Variants in AATK observed in about 807,000 individuals in gnomAD.
The protein encoded by AATK is lemur tail kinase 1.
In AATK, 91 loss-of-function variants were observed where a neutral mutation model predicts 114.3. The observed-to-expected ratio is 0.80, with a 90% CI of 0.67 to 0.95. The LOEUF is 0.95. Ranked by LOEUF, AATK falls within the 40% of genes least tolerant of loss-of-function variation. The probability of loss-of-function intolerance (pLI) is 0.00; values close to 1 mark genes in which losing one functional copy is unlikely to be tolerated. For synonymous variants in AATK, 1,075 were observed against 916.5 expected, an observed-to-expected ratio of 1.17 and a Z score of -3.12; for missense variants, 2,176 against 1,965.2, an observed-to-expected ratio of 1.11 and a Z score of -2.03.
chr17:81,138,543 CGT>C (rs527679114), intron 1 of AATK, among the ~76,000 whole-genome samples: 3,740 of 149,808 alleles, frequency 0.025, 123 homozygotes, highest in African/African-American at 0.077. Context: ...TACACGTTCG[CGT>C]GCACACACGT....
chr17:81,122,796 C>T lies in AATK; in HGVS notation c.1140G>A (p.Leu380=). The T allele has an allele frequency of 6.3e-7, 1 of 1,579,786 alleles. No homozygotes were observed. The highest frequency in any genetic ancestry group is 2.3e-5 in the East Asian group (1 of 43,302). ...RWYEVMQFCW[L]QPEQRPTAEE... ...CGGCTGTGGGCCGCTGCTCGGGCTG[C>T]AGCCAGCAGAACTGCATCACCTCGT... The change falls in exon 11 of 14, where the codon CTG becomes CTA. Residue 380 remains leucine (L), a synonymous_variant. Transcript: ENST00000326724.
At chr17:81,132,826 AG>A (rs1359893769) in intron 2 of AATK, 2 of 230,056 alleles carry the variant, frequency 8.7e-6, no homozygotes, top group South Asian at 8.5e-5. Flanking sequence ...AGGACTTCCC[AG>A]GGGCACACTG....
chr17:81,132,220 A>C (rs2060944328), intron 2 of AATK, among the ~76,000 whole-genome samples: 1 of 152,168 alleles, frequency 6.6e-6, no homozygotes, highest in Admixed American at 6.5e-5. Context: ...CACAACCCCC[A>C]GTGCCCTGGT....
chr17:81,153,270 T>C (rs1234742863), intron 1 of AATK, among the ~76,000 whole-genome samples: 1 of 152,226 alleles, frequency 6.6e-6, no homozygotes. Context: ...CAACATTTAT[T>C]TGAAGATGTG....
chr17:81,139,729 C>T (rs1346034101), intron 1 of AATK, among the ~76,000 whole-genome samples: 2 of 152,238 alleles, frequency 1.3e-5, no homozygotes, highest in African/African-American at 2.4e-5. Context: ...CCCTCCACTG[C>T]GCTGCTGAGG....
chr17:81,125,103 C>T (rs1470455859), intron 7 of AATK, 89 bp from the exon 8 acceptor site: 13 of 862,480 alleles, frequency 1.5e-5, no homozygotes, highest in South Asian at 1.7e-5. Context: ...TGGGGTGTGC[C>T]GGGCGGGGGC....
At position 81,144,368 on chromosome 17, in the gene AATK, C is replaced by T. The variant is rs75751025; in HGVS notation, c.56-9867G>A. ...GCCCTCCCCATCGCTCTGTGCTGGT[C>T]GGGTGTTCACACCTGGGGCAAGGTA... On this transcript the variant is annotated intron_variant, in intron 1 of 13. Coordinates refer to ENST00000326724, the MANE Select transcript of AATK (RefSeq NM_001080395.3). Among the ~76,000 whole-genome samples, 5 of 152,364 alleles carry T rather than the reference C, an allele frequency of 3.3e-5. No individual in the cohort carries two copies. The East Asian group carries it at 9.6e-4, about 29-fold the overall frequency.
chr17:81,147,667 G>A (rs938647556), intron 1 of AATK, among the ~76,000 whole-genome samples: 3 of 151,878 alleles, frequency 2.0e-5, no homozygotes, highest in African/African-American at 7.3e-5. Context: ...GAGGTCGGAG[G>A]ATCGCTTAAG....
In AATK at chr17:81,145,110, G is replaced by A. The variant is rs2061197065; in HGVS notation, c.56-10609C>T. 3.3e-5 allele frequency among the ~76,000 whole-genome samples: 5 copies of A among 152,168 alleles called. No homozygotes were observed. The South Asian group carries it at 1.0e-3, about 32-fold the overall frequency. ...TAGCCAGGTGTGGTGGCAGGTGCCT[G>A]TAATCCCAGCTACTCAGGAGGCTGA... On this transcript the variant is annotated intron_variant, in intron 1 of 13. Coordinates refer to ENST00000326724, the MANE Select transcript of AATK (RefSeq NM_001080395.3).
In AATK at chr17:81,121,833, C is replaced by T. The variant is rs767537196; in HGVS notation, c.2103G>A (p.Ala701=). ...TGGGGCAGCCCTCAGCGTGGCCGCC[C>T]GCAGAGACGGGGTCCCAGGACTCTG... ...RCPESWDPVS[A]GGHAEGCPSP... Residue 701 remains alanine, a synonymous_variant, in exon 11 of 14, where the codon GCG becomes GCA. Transcript: ENST00000326724. 2.2e-5 allele frequency: 35 copies of T among 1,592,192 alleles called. No homozygotes were observed. The highest frequency in any genetic ancestry group is 7.8e-5 in the South Asian group (7 of 89,854).
Position 81,121,988 on chromosome 17 carries a change from TC to T in AATK, c.1947del (p.Ser650AlafsTer9). The T allele has an allele frequency of 6.2e-7, 1 of 1,601,092 alleles. No individual in the cohort carries two copies. Among genetic ancestry groups the T allele is most frequent in the South Asian group, 1.1e-5 (1 of 91,012 alleles). On this transcript the variant is annotated frameshift_variant, in exon 11 of 14. Transcript: ENST00000326724. LOFTEE classifies it high-confidence loss of function. ...AGCGGCAGCGGGGGCGCCCCTGAGC[TC>T]CCCAAAGGGGACGTGCCCAGTGGGT... ...FEDPLGTSPLGSSGAPPLPLT... is the reference protein window; with the variant it reads ...FEDPLGTSPLXSSGAPPLPLT...
In AATK at chr17:81,121,004, G is replaced by C. The variant is rs368177200; in HGVS notation, c.2932C>G (p.Arg978Gly). ...SEGEGPGPET[R>G]LSTSLSGLNE... Reference sequence around the variant, plus strand: ...AGGCCACTGAGGGAGGTGGAGAGCCGTGTCTCGGGCCCGGGGCCCTCACCC... The same window carrying C: ...AGGCCACTGAGGGAGGTGGAGAGCCCTGTCTCGGGCCCGGGGCCCTCACCC... Residue 978 changes from arginine (R) to glycine (G), a missense_variant, in exon 11 of 14, where the codon CGG becomes GGG. Physicochemically the swap from Arg to Gly is moderately radical, Grantham distance 125. Around this residue, in one of 4 missense-constraint regions of AATK, gnomAD observed 1,701 missense variants for 1,394.7 expected, o/e 1.22. Transcript: ENST00000326724. 5.0e-6 allele frequency: 8 copies of C among 1,610,276 alleles called. No homozygotes were observed. The African/African-American group carries it at 1.1e-4, about 22-fold the overall frequency.
intron 1 of AATK, among the ~76,000 whole-genome samples, chr17:81,164,930 G>A (rs1378376465): frequency 5.3e-5 from 8 of 152,362 alleles, no homozygotes; most frequent in Admixed American, 1.3e-4. Context: ...CCTTCAGACC[G>A]AGATCTGCCC....
At position 81,131,306 on chromosome 17, in the gene AATK, C is replaced by T. The variant is rs2060927441; in HGVS notation, c.190-101G>A. ...TTCTTCCAGGGCCGAGCTCCCAGGG[C>T]AGGGCAGGAGGGGGTGCTCGGCCCA... is the stretch of plus-strand genomic sequence containing the variant. On this transcript the variant is annotated intron_variant, in intron 2 of 13. Coordinates refer to ENST00000326724, the MANE Select transcript of AATK (RefSeq NM_001080395.3). 4 of 1,433,144 alleles carry T rather than the reference C, an allele frequency of 2.8e-6. No individual in the cohort carries two copies. The African/African-American group carries it at 5.7e-5, about 21-fold the overall frequency. The allele number at this position is 1,433,144 out of a possible 1,614,324, so 88.8% of individuals were successfully genotyped here. A position where few individuals can be genotyped will look rare whatever the true frequency, so the allele number is the denominator to read the frequency against.
chr17:81,131,716 C>T (rs1297191641), intron 2 of AATK, among the ~76,000 whole-genome samples: 1 of 152,174 alleles, frequency 6.6e-6, no homozygotes. Context: ...CAGCCCCTCA[C>T]CCCGGGCTGT....
chr17:81,138,840 C>A (rs1394582236), intron 1 of AATK, among the ~76,000 whole-genome samples: 2 of 151,196 alleles, frequency 1.3e-5, no homozygotes, highest in Non-Finnish European at 1.5e-5. Context: ...ACACACACCC[C>A]CACGCGTGCA....
intron 3 of AATK, among the ~76,000 whole-genome samples, chr17:81,130,122 G>A (rs1210589393): frequency 6.6e-6 from 1 of 152,244 alleles, no homozygotes; most frequent in East Asian, 1.9e-4. Flanking sequence ...CAGAGCAGGT[G>A]AGGTGGCCTG....
chr17:81,143,817 G>A (rs1411178986), intron 1 of AATK, among the ~76,000 whole-genome samples: 5 of 152,216 alleles, frequency 3.3e-5, no homozygotes, highest in Admixed American at 6.5e-5. Flanking sequence ...CTGCCTGCCC[G>A]GGGCTCCAGG....
At chr17:81,140,779 GT>G (rs1213247860) in intron 1 of AATK, among the ~76,000 whole-genome samples, 31 of 129,446 alleles carry the variant, frequency 2.4e-4, no homozygotes, top group East Asian at 1.8e-3. Context: ...CTGTGGGGCG[GT>G]GAGACCGTGG....
Sources: allele counts gnomAD v4.1 joint callset (sites outside exome capture counted in the v4.1 genomes callset), GRCh38; gene constraint gnomAD v4.1.1; regional missense constraint gnomAD v4.1.1; transcripts MANE v1.5; gene names NCBI Gene and HGNC (gene_info 2026-07-23, HGNC 2026-07-21).